Variants in ZFP64 observed in about 807,000 individuals in gnomAD.
The protein encoded by ZFP64 is zinc finger protein 64.
A neutral mutation model predicts 51.6 loss-of-function variants in ZFP64; 14 were observed. That is an observed-to-expected ratio of 0.27 (90% CI 0.18 to 0.42). The LOEUF is 0.42. ZFP64 is among the 10% of genes least tolerant of loss of function. The probability of loss-of-function intolerance (pLI) is 1.00; values close to 1 mark genes in which losing one functional copy is unlikely to be tolerated. For synonymous variants in ZFP64, 375 were observed against 361.4 expected (o/e 1.04, Z -0.43); for missense variants, 754 against 906.8 (o/e 0.83, Z 2.16).
intron 8 of ZFP64, among the ~76,000 whole-genome samples, chr20:52,086,611 G>T (rs1261407114): frequency 6.6e-6 from 1 of 151,870 alleles, no homozygotes; most frequent in Non-Finnish European, 1.5e-5. Flanking sequence ...CCGAGTAGCT[G>T]GGACTACAGG....
intron 5 of ZFP64, among the ~76,000 whole-genome samples, chr20:52,117,026 C>T (rs1308658350): frequency 7.2e-5 from 11 of 152,036 alleles, no homozygotes; most frequent in African/African-American, 2.4e-4. Flanking sequence ...GAGCCGAGAT[C>T]GTGCCATTGC....
At chr20:52,130,490 A>T (rs181352240) in intron 5 of ZFP64, among the ~76,000 whole-genome samples, 43 of 152,288 alleles carry the variant, frequency 2.8e-4, no homozygotes, top group Non-Finnish European at 5.7e-4. Flanking sequence ...CTGGGATTAC[A>T]GATATGAGCC....
At chr20:52,094,772 G>T (rs1038023207) in intron 7 of ZFP64, among the ~76,000 whole-genome samples, 1 of 150,746 alleles carries the variant, frequency 6.6e-6, no homozygotes, top group Non-Finnish European at 1.5e-5. Flanking sequence ...TAATAAAAAG[G>T]AAAATGCAAT....
intron 5 of ZFP64, chr20:52,105,266 C>A: frequency 1.5e-6 from 2 of 1,317,578 alleles, no homozygotes; most frequent in Non-Finnish European, 1.9e-6. Context: ...CCCGCGCGTC[C>A]CTAGGAGTGG....
intron 2 of ZFP64, among the ~76,000 whole-genome samples, chr20:52,166,989 G>A (rs1278228218): frequency 7.3e-6 from 1 of 137,304 alleles, no homozygotes; most frequent in African/African-American, 2.7e-5. Context: ...AGGTTCTGAA[G>A]CAAAAAGAAA....
intron 5 of ZFP64, among the ~76,000 whole-genome samples, chr20:52,099,166 T>A (rs753604760): frequency 6.6e-4 from 100 of 152,166 alleles, no homozygotes; most frequent in Non-Finnish European, 1.5e-4. Context: ...TTAAATGGCA[T>A]GAAGACCTAG....
At chr20:52,119,533 A>AATATATATATATATATATAT (rs71192595) in intron 5 of ZFP64, among the ~76,000 whole-genome samples, 2 of 89,840 alleles carry the variant, frequency 2.2e-5, no homozygotes, top group African/African-American at 9.5e-5. Context: ...AAAAAAAAAA[A>AATATATATATATATATATAT]ATATATATAT....
At position 52,098,356 on chromosome 20, in the gene ZFP64, C is replaced by T. The variant is rs375289225; in HGVS notation, c.913+82G>A. The T allele has an allele frequency of 8.3e-6, 13 of 1,558,470 alleles. No homozygotes were observed. The African/African-American group carries it at 1.8e-4, about 21-fold the overall frequency. The stretch of plus-strand genomic sequence containing the variant: ...TGTCAGCAAACAAGAGTAACATGAG[C>T]AGGCAGCTCAGAGATTCACGTAGGG... On this transcript the variant is annotated intron_variant, in intron 6 of 8. Transcript: ENST00000361387.
At chr20:52,151,161 G>T, downstream of ZFP64, 1 of 835,054 alleles carries the variant, frequency 1.2e-6, no homozygotes, top group Non-Finnish European at 1.4e-6. Flanking sequence ...TAAGATGATT[G>T]TGTGACGTTT....
chr20:52,182,033 T>G (rs1328543588), intron 2 of ZFP64, among the ~76,000 whole-genome samples: 1 of 152,216 alleles, frequency 6.6e-6, no homozygotes, highest in Non-Finnish European at 1.5e-5. Flanking sequence ...TTTATTAGAC[T>G]CTACATTAAT....
chr20:52,151,570 T>C lies in ZFP64; in HGVS notation c.*576A>G. 1 of 986,218 alleles carries C rather than the reference T, an allele frequency of 1.0e-6. No individual in the cohort carries two copies. The highest frequency in any genetic ancestry group is 1.7e-5 in the African/African-American group (1 of 57,370). 61.1% of individuals were successfully genotyped at this position (986,218 alleles called of 1,614,324 possible). A position where few individuals can be genotyped will look rare whatever the true frequency, so the allele number is the denominator to read the frequency against. On this transcript the variant is annotated 3_prime_UTR_variant, in exon 6 of 6. Transcript: ENST00000216923. ...GAAACAAACACATGAATTCACTACT[T>C]AATGCATTTAATTCCAACCCCTCAT...
intron 1 of ZFP64, among the ~76,000 whole-genome samples, chr20:52,187,809 T>G (rs1984083276): frequency 2.0e-5 from 3 of 152,238 alleles, no homozygotes; most frequent in East Asian, 1.9e-4. Context: ...TGCAAGAAAG[T>G]TCTTTTATCA....
chr20:52,109,560 C>T (rs901484029), intron 5 of ZFP64, among the ~76,000 whole-genome samples: 3 of 152,004 alleles, frequency 2.0e-5, no homozygotes, highest in African/African-American at 7.2e-5. Context: ...AGGTGGATCA[C>T]CTGAGGTCAG....
chr20:52,163,410 T>C (rs765698602), intron 4 of ZFP64, among the ~76,000 whole-genome samples: 11 of 152,310 alleles, frequency 7.2e-5, no homozygotes, highest in Non-Finnish European at 1.0e-4. Context: ...CTTTATTCTT[T>C]CAATAATAAA....
intron 5 of ZFP64, among the ~76,000 whole-genome samples, chr20:52,100,454 C>T (rs776889615): frequency 6.6e-5 from 10 of 152,136 alleles, no homozygotes; most frequent in Non-Finnish European, 1.3e-4. Context: ...CCATGTTGGC[C>T]AAGTTGGTCT....
chr20:52,134,897 C>T (rs1979895943), intron 5 of ZFP64, among the ~76,000 whole-genome samples: 1 of 152,142 alleles, frequency 6.6e-6, no homozygotes, highest in Admixed American at 6.6e-5. Context: ...GGGTCTCACT[C>T]TGTCACCCAG....
intron 1 of ZFP64, among the ~76,000 whole-genome samples, chr20:52,188,495 T>C (rs984962723): frequency 2.0e-5 from 3 of 150,652 alleles, no homozygotes; most frequent in Admixed American, 6.6e-5. Flanking sequence ...TTTGTATTTT[T>C]AGTAGAGATG....
chr20:52,191,641 G>A lies in ZFP64; in HGVS notation c.-5C>T. ...GCCCTCGCTGCTCGCGTTCATGGCC[G>A]CAGACTGGGAGGTCCCCGGCCGGCC... On this transcript the variant is annotated 5_prime_UTR_variant, in exon 1 of 6. Coordinates refer to ENST00000216923, the MANE Select transcript of ZFP64 (RefSeq NM_018197.3). The surrounding 1 kb of genome is among the most constrained non-coding windows in gnomAD (Gnocchi z 4.3). 1 of 1,585,262 alleles carries A rather than the reference G, an allele frequency of 6.3e-7. No individual in the cohort carries two copies.
At chr20:52,177,969 T>C (rs544490523) in intron 2 of ZFP64, among the ~76,000 whole-genome samples, 11 of 150,602 alleles carry the variant, frequency 7.3e-5, no homozygotes, top group African/African-American at 2.7e-4. Context: ...GAGGCAGAGG[T>C]TGCAGTGAGC....
Sources: gnomAD v4.1 joint callset for allele counts (sites outside exome capture counted in the v4.1 genomes callset) on GRCh38, gnomAD v4.1.1 for gene constraint, Gnocchi (gnomAD v3.1) non-coding constraint, MANE v1.5 for transcripts, NCBI Gene and HGNC (gene_info 2026-07-23, HGNC 2026-07-21) for gene names.